Variants in KCNG2 observed in about 807,000 individuals in gnomAD.
The protein encoded by KCNG2 is voltage-gated potassium channel regulatory subunit KCNG2.
A neutral mutation model predicts 12.3 loss-of-function variants in KCNG2; 7 were observed. The observed-to-expected ratio is 0.57, with a 90% CI of 0.32 to 1.07. The LOEUF (loss-of-function observed/expected upper bound fraction) is 1.07, where lower values mean the gene tolerates loss of function less well. Among genes scored for constraint, KCNG2 ranks in the 50% least tolerant of loss-of-function variants. The pLI, the probability that KCNG2 is intolerant of heterozygous loss-of-function variation, is 0.04. For missense variants in KCNG2, 703 were observed against 726.0 expected (o/e 0.97, Z 0.36); for synonymous variants, 414 against 351.4 (o/e 1.18, Z -1.99).
intron 1 of KCNG2, among the ~76,000 whole-genome samples, chr18:79,819,674 A>G (rs900143530): frequency 8.5e-5 from 13 of 152,198 alleles, no homozygotes; most frequent in African/African-American, 2.7e-4. Flanking sequence ...CACCTCCCCT[A>G]CGGCTCCTCG....
At chr18:79,873,191 C>A (rs983857380) in intron 3 of KCNG2, among the ~76,000 whole-genome samples, 8 of 152,328 alleles carry the variant, frequency 5.3e-5, no homozygotes, top group Admixed American at 5.2e-4. Flanking sequence ...AGGCTTGAGG[C>A]CCTCTCGGGG....
chr18:79,868,087 C>A (rs528724999), intron 3 of KCNG2, among the ~76,000 whole-genome samples: 1 of 152,190 alleles, frequency 6.6e-6, no homozygotes, highest in African/African-American at 2.4e-5. Context: ...TGGCTGTCCT[C>A]GGTCGAATAT....
chr18:79,899,586 C>T lies in KCNG2; in HGVS notation c.1171C>T (p.Leu391Phe). 2 of 1,599,518 alleles carry T rather than the reference C, an allele frequency of 1.3e-6. No homozygotes were observed. The highest frequency in any genetic ancestry group is 1.7e-6 in the Non-Finnish European group (2 of 1,172,778). The change falls in exon 4 of 4, where the codon CTC becomes TTC. Residue 391 changes from leucine (L) to phenylalanine (F), a missense_variant. Transcript: ENST00000316249. ...PGQVVALSSI[L>F]SGILLMAFPV... Reference sequence around the variant, plus strand: ...GCAGGTGGTGGCGCTCAGCAGCATCCTCAGCGGCATCCTGCTCATGGCCTT... The same window carrying T: ...GCAGGTGGTGGCGCTCAGCAGCATCTTCAGCGGCATCCTGCTCATGGCCTT...
chr18:79,847,585 C>T (rs1210945195), intron 1 of KCNG2, among the ~76,000 whole-genome samples: 4 of 152,206 alleles, frequency 2.6e-5, no homozygotes, highest in Non-Finnish European at 5.9e-5. Flanking sequence ...AGCCCTCATC[C>T]ATGTATGTAA....
At chr18:79,887,748 C>T (rs1980581605) in intron 3 of KCNG2, among the ~76,000 whole-genome samples, 1 of 152,200 alleles carries the variant, frequency 6.6e-6, no homozygotes, top group Admixed American at 6.5e-5. Flanking sequence ...AGGGGCTCTG[C>T]AGGGGCTCCC....
intron 1 of KCNG2, among the ~76,000 whole-genome samples, chr18:79,846,560 T>C (rs1445523571): frequency 2.6e-5 from 4 of 152,236 alleles, no homozygotes; most frequent in Non-Finnish European, 4.4e-5. Context: ...CTGAGTCATA[T>C]TTTATTCAAA....
chr18:79,830,168 T>C (rs543310264), intron 1 of KCNG2, among the ~76,000 whole-genome samples: 1 of 152,206 alleles, frequency 6.6e-6, no homozygotes, highest in Non-Finnish European at 1.5e-5. Context: ...GGTGTGTGGT[T>C]GTGGACCTGT....
intron 1 of KCNG2, among the ~76,000 whole-genome samples, chr18:79,809,983 G>T (rs2087482427): frequency 6.6e-6 from 1 of 152,242 alleles, no homozygotes; most frequent in Admixed American, 6.5e-5. Context: ...TTGGCTGTGG[G>T]TTCTGGTCTC....
intron 1 of KCNG2, among the ~76,000 whole-genome samples, chr18:79,843,813 ACAAT>A (rs752647255): frequency 4.6e-5 from 7 of 152,240 alleles, no homozygotes; most frequent in Non-Finnish European, 8.8e-5. Context: ...AGAGGAAGAA[ACAAT>A]CAAAGGAACT....
Position 79,812,528 on chromosome 18 carries a change from G to A in KCNG2, c.-115+14514G>A, listed in dbSNP as rs373788416. Among the ~76,000 whole-genome samples the A allele has an allele frequency of 3.1e-3, 477 of 152,216 alleles. 6 individuals carry two copies. Among genetic ancestry groups the A allele is most frequent in the African/African-American group, 0.011 (458 of 41,518 alleles). On this transcript the variant is annotated intron_variant, in intron 1 of 3. Transcript: ENST00000316249. ...GGTTTAATGAGGTCAGCCATACCTGGCGACCACATTAAACAAAGACATTAC... is the reference window on the plus strand; with the variant it reads ...GGTTTAATGAGGTCAGCCATACCTGACGACCACATTAAACAAAGACATTAC...
At chr18:79,821,169 A>C (rs2087567128) in intron 1 of KCNG2, among the ~76,000 whole-genome samples, 1 of 151,828 alleles carries the variant, frequency 6.6e-6, no homozygotes, top group Non-Finnish European at 1.5e-5. Flanking sequence ...TGTGCTTTTG[A>C]TGTCATTTAA....
At chr18:79,890,108 G>A (rs1407489809) in intron 3 of KCNG2, among the ~76,000 whole-genome samples, 5 of 152,004 alleles carry the variant, frequency 3.3e-5, no homozygotes, top group East Asian at 1.9e-4. Context: ...CTACACTGCC[G>A]AATTCAGCTT....
chr18:79,821,203 CA>C (rs1263616894), intron 1 of KCNG2, among the ~76,000 whole-genome samples: 2 of 151,824 alleles, frequency 1.3e-5, no homozygotes, highest in Non-Finnish European at 2.9e-5. Flanking sequence ...AATCCAACAT[CA>C]TGAAGATTTG....
intron 1 of KCNG2, among the ~76,000 whole-genome samples, chr18:79,816,898 C>T (rs1599367994): frequency 1.3e-5 from 2 of 152,314 alleles, no homozygotes; most frequent in East Asian, 3.9e-4. Context: ...TGTATGGAGG[C>T]GGCAGCAAAA....
At position 79,899,434 on chromosome 18, in the gene KCNG2, T is replaced by C. The variant is rs1981116937; in HGVS notation, c.1019T>C (p.Val340Ala). ...GCCATGGCGCTCTTCGCGCCACTGG[T>C]GCACCTGGCCGAGCGCGAGCTGGGC... is the stretch of plus-strand genomic sequence containing the variant. ...CVAMALFAPLVHLAERELGAR... is the reference protein window; with the variant it reads ...CVAMALFAPLAHLAERELGAR... The change falls in exon 4 of 4, where the codon GTG (valine) becomes GCG (alanine). Residue 340 changes from valine to alanine, a missense_variant. Transcript: ENST00000316249. 6.3e-7 allele frequency: 1 copy of C among 1,594,868 alleles called. No individual in the cohort carries two copies. Among genetic ancestry groups the C allele is most frequent in the Non-Finnish European group, 8.5e-7 (1 of 1,173,630 alleles).
chr18:79,891,591 C>T (rs966449541), intron 3 of KCNG2, among the ~76,000 whole-genome samples: 3 of 152,222 alleles, frequency 2.0e-5, no homozygotes, highest in Admixed American at 6.5e-5. Context: ...CATTCTTACT[C>T]ATCTCCAAGT....
intron 1 of KCNG2, among the ~76,000 whole-genome samples, chr18:79,828,257 T>A (rs1978287656): frequency 6.6e-6 from 1 of 152,376 alleles, no homozygotes. Flanking sequence ...CATACAGACA[T>A]GTAGGAATAC....
At chr18:79,806,713 CTT>C (rs2087452545) in intron 1 of KCNG2, among the ~76,000 whole-genome samples, 1 of 152,166 alleles carries the variant, frequency 6.6e-6, no homozygotes, top group Non-Finnish European at 1.5e-5. Context: ...GAATTGGCCT[CTT>C]TCTCTCCTTT....
At chr18:79,836,961 T>C (rs1405731844) in intron 1 of KCNG2, among the ~76,000 whole-genome samples, 1 of 151,960 alleles carries the variant, frequency 6.6e-6, no homozygotes, top group Non-Finnish European at 1.5e-5. Flanking sequence ...TTCCAAACAG[T>C]CCCCCACAGT....
Sources: gnomAD v4.1 joint callset for allele counts (sites outside exome capture counted in the v4.1 genomes callset) on GRCh38, gnomAD v4.1.1 for gene constraint, MANE v1.5 for transcripts, NCBI Gene and HGNC (gene_info 2026-07-23, HGNC 2026-07-21) for gene names.